Variants in TUT7 observed in about 807,000 individuals in gnomAD.
TUT7 encodes the protein terminal uridylyl transferase 7, also known as terminal uridylyltransferase 7.
A neutral mutation model predicts 165.9 loss-of-function variants in TUT7; 33 were observed. The ratio of observed to expected loss-of-function variants is 0.20; its 90% CI spans 0.15 to 0.27. The LOEUF is 0.27. TUT7 is among the 10% of genes least tolerant of loss of function. The pLI is 1.00. For missense variants in TUT7, 1,338 were observed against 1,762.3 expected (o/e 0.76, Z 4.31); for synonymous variants, 552 against 608.1 (o/e 0.91, Z 1.36).
chr9:86,299,601 G>A (rs974533047), intron 26 of TUT7, among the ~76,000 whole-genome samples: 3 of 152,078 alleles, frequency 2.0e-5, no homozygotes, highest in Admixed American at 6.6e-5. Flanking sequence ...TTCTAGATAA[G>A]TGCTCTTCCT....
intron 7 of TUT7, among the ~76,000 whole-genome samples, chr9:86,340,335 T>C (rs1248471200): frequency 6.6e-6 from 1 of 152,216 alleles, no homozygotes; most frequent in African/African-American, 2.4e-5. Context: ...TCATTATAAG[T>C]GACTACATCA....
chr9:86,311,475 G>A lies in TUT7; in HGVS notation c.3275-666C>T, dbSNP rs748780093. 1.3e-5 allele frequency among the ~76,000 whole-genome samples: 2 copies of A among 152,130 alleles called. No individual in the cohort carries two copies. The highest frequency in any genetic ancestry group is 2.4e-5 in the African/African-American group (1 of 41,424). ...GCATAGGTTGCCGAATGAACTTGAGGGAATGGAATATGAGGCATAGGAGAT... is the reference window on the plus strand; with the variant it reads ...GCATAGGTTGCCGAATGAACTTGAGAGAATGGAATATGAGGCATAGGAGAT... On this transcript the variant is annotated intron_variant, in intron 17 of 26. Coordinates refer to ENST00000375963, the MANE Select transcript of TUT7 (RefSeq NM_024617.4). This position sits in a 1 kb window ranked among gnomAD's most constrained non-coding sequence, Gnocchi z 4.4.
chr9:86,314,904 G>T (rs1467540745), intron 17 of TUT7, among the ~76,000 whole-genome samples: 1 of 152,048 alleles, frequency 6.6e-6, no homozygotes, highest in Non-Finnish European at 1.5e-5. Flanking sequence ...ACTTAGAAAT[G>T]ATTTCTTTTC....
chr9:86,321,966 C>T (rs1238823226), intron 14 of TUT7, among the ~76,000 whole-genome samples: 1 of 152,048 alleles, frequency 6.6e-6, no homozygotes, highest in Non-Finnish European at 1.5e-5. Context: ...CTCCCAGCTA[C>T]TTGGGAGGCT....
In TUT7 at chr9:86,301,412, C is replaced by T. The variant is rs201523989; in HGVS notation, c.4284G>A (p.Gly1428=). The change falls in exon 26 of 27, where the codon GGG becomes GGA. Residue 1428 remains glycine (G), a synonymous_variant. Transcript: ENST00000375963. ...AKPMRAAADL[G]REKILRPPVE... is the part of the protein sequence containing the mutation. ...CTGGTGGCCTGAGGATCTTCTCCCT[C>T]CCCAGGTCAGCAGCTGCCCGCATTG... is the stretch of plus-strand genomic sequence containing the variant. 1 of 1,614,142 alleles carries T rather than the reference C, an allele frequency of 6.2e-7. No individual in the cohort carries two copies. Among genetic ancestry groups the T allele is most frequent in the East Asian group, 2.2e-5 (1 of 44,880 alleles).
intron 26 of TUT7, among the ~76,000 whole-genome samples, chr9:86,289,381 T>C (rs559526273): frequency 6.6e-6 from 1 of 152,314 alleles, no homozygotes; most frequent in South Asian, 2.1e-4. Context: ...TAATGAAGTT[T>C]GCATTTCAAA....
At position 86,338,855 on chromosome 9, in the gene TUT7, G is replaced by C; in HGVS notation, c.1303C>G (p.Pro435Ala). 3.7e-6 allele frequency: 6 copies of C among 1,609,882 alleles called. No individual in the cohort carries two copies. The highest frequency in any genetic ancestry group is 5.1e-6 in the Non-Finnish European group (6 of 1,178,070). ...ALGKLEPKLV[P>A]LVIAFRYWAK... ...CAGTACCTAAATGCAATCACCAAAGGAACCAGCTTTGGTTCTAGTTTTCCA... is the reference window on the plus strand; with the variant it reads ...CAGTACCTAAATGCAATCACCAAAGCAACCAGCTTTGGTTCTAGTTTTCCA... Residue 435 changes from proline (P) to alanine (A), a missense_variant, in exon 9 of 27, where the codon CCT (proline) becomes GCT (alanine). Transcript: ENST00000375963.
intron 6 of TUT7, 33 bp from the exon 7 acceptor site, chr9:86,341,086 T>C (rs1331200670): frequency 6.3e-7 from 1 of 1,584,652 alleles, no homozygotes; most frequent in Non-Finnish European, 8.6e-7. Flanking sequence ...CATGAAATTA[T>C]TCCTAAGTGA....
At chr9:86,342,984 A>T in intron 6 of TUT7, 91 bp downstream of exon 6, 1 of 885,470 alleles carries the variant, frequency 1.1e-6, no homozygotes, top group Non-Finnish European at 1.7e-6. Context: ...AATATCTTCA[A>T]ATATCTAAAA....
At position 86,304,660 on chromosome 9, in the gene TUT7, A is replaced by G. The variant is rs140217783; in HGVS notation, c.3978+196T>C. Among the ~76,000 whole-genome samples the G allele has an allele frequency of 2.0e-5, 3 of 151,654 alleles. No individual in the cohort carries two copies. In the East Asian group the frequency reaches 5.8e-4, roughly 29 times the overall value. On this transcript the variant is annotated intron_variant, in intron 24 of 26. Coordinates refer to ENST00000375963, the MANE Select transcript of TUT7 (RefSeq NM_024617.4). ...ACAACCTTAAATCCAACTTCTTACTATTTCTCTCTATTCTGATGGCCTCTA... is the reference window on the plus strand; with the variant it reads ...ACAACCTTAAATCCAACTTCTTACTGTTTCTCTCTATTCTGATGGCCTCTA...
chr9:86,334,357 A>C (rs1474616521), intron 10 of TUT7, among the ~76,000 whole-genome samples: 3 of 152,284 alleles, frequency 2.0e-5, no homozygotes, highest in East Asian at 1.9e-4. Context: ...AACTCACACA[A>C]AAGTCTGAGG....
chr9:86,344,865 A>G (rs1241497762), intron 5 of TUT7, 112 bp downstream of exon 5: 2 of 1,071,760 alleles, frequency 1.9e-6, no homozygotes, highest in Non-Finnish European at 2.6e-6. Flanking sequence ...AGAAAACACA[A>G]GAGCTTCATG....
intron 26 of TUT7, among the ~76,000 whole-genome samples, chr9:86,297,358 T>C (rs1349244596): frequency 6.6e-6 from 1 of 152,182 alleles, no homozygotes; most frequent in Non-Finnish European, 1.5e-5. Flanking sequence ...TTTTTACACA[T>C]GAGAAAACTG....
rs1262181711 is a variant in TUT7 at position 86,322,968 on chromosome 9, G to A, written c.2782C>T (p.Leu928Phe). The A allele has an allele frequency of 3.7e-6, 6 of 1,613,832 alleles. No homozygotes were observed. Among genetic ancestry groups the A allele is most frequent in the African/African-American group, 1.3e-5 (1 of 74,968 alleles). Reference protein sequence around the residue: ...ALLVELNKISLKEENVCEEKN... With the variant: ...ALLVELNKISFKEENVCEEKN... The stretch of plus-strand genomic sequence containing the variant: ...TCTTCACATACATTTTCTTCCTTGA[G>A]ACTTATTTTATTAAGTTCCACTAGG... The change falls in exon 13 of 27, where the codon CTC becomes TTC. Residue 928 changes from leucine to phenylalanine, a missense_variant. Coordinates refer to ENST00000375963, the MANE Select transcript of TUT7 (RefSeq NM_024617.4).
intron 26 of TUT7, among the ~76,000 whole-genome samples, chr9:86,290,925 T>G (rs1158408796): frequency 6.6e-6 from 1 of 151,916 alleles, no homozygotes; most frequent in African/African-American, 2.4e-5. Flanking sequence ...GGATTAAAGG[T>G]CTAAATAGAA....
In TUT7 at chr9:86,353,110, T is replaced by C. The variant is rs2889967; in HGVS notation, c.90A>G (p.Gln30=). The C allele has an allele frequency of 1.2e-6, 2 of 1,613,876 alleles. No homozygotes were observed. The highest frequency in any genetic ancestry group is 1.7e-6 in the Non-Finnish European group (2 of 1,180,006). ...DDDDFRRGHP[Q]QDYLIIDDHA... Reference sequence around the variant, plus strand: ...GGTCATCTATTATTAAATAATCTTGTTGGGGGTGACCCCTTCTGAAGTCAT... The same window carrying C: ...GGTCATCTATTATTAAATAATCTTGCTGGGGGTGACCCCTTCTGAAGTCAT... Residue 30 remains glutamine (Q), a synonymous_variant, in exon 2 of 27, where the codon CAA becomes CAG. Coordinates refer to ENST00000375963, the MANE Select transcript of TUT7 (RefSeq NM_024617.4).
intron 16 of TUT7, 68 bp from the exon 17 acceptor site, chr9:86,317,344 T>C (rs1828814705): frequency 8.1e-7 from 1 of 1,227,832 alleles, no homozygotes; most frequent in African/African-American, 1.5e-5. Flanking sequence ...GGCTATAGTT[T>C]CCATTACCTT....
chr9:86,314,345 G>A (rs979730785), intron 17 of TUT7, among the ~76,000 whole-genome samples: 1 of 152,024 alleles, frequency 6.6e-6, no homozygotes, highest in African/African-American at 2.4e-5. Flanking sequence ...TTTCTGTCTA[G>A]TCTCTTTCTC....
At chr9:86,292,428 C>T (rs1168924469) in intron 26 of TUT7, among the ~76,000 whole-genome samples, 1 of 150,394 alleles carries the variant, frequency 6.6e-6, no homozygotes, top group Non-Finnish European at 1.5e-5. Flanking sequence ...GAGATCACAC[C>T]ACTACACTCC....
Sources: allele counts gnomAD v4.1 joint callset (sites outside exome capture counted in the v4.1 genomes callset), GRCh38; gene constraint gnomAD v4.1.1; non-coding constraint Gnocchi (gnomAD v3.1); transcripts MANE v1.5; gene names NCBI Gene and HGNC (gene_info 2026-07-23, HGNC 2026-07-21).